The following LRRC37A2 variants were observed in gnomAD, a reference collection of about 807,000 sequenced individuals.
LRRC37A2 encodes the protein leucine rich repeat containing 37 member A2.
A neutral mutation model predicts 68.8 loss-of-function variants in LRRC37A2; 9 were observed. The ratio of observed to expected loss-of-function variants is 0.13; its 90% CI spans 0.08 to 0.23. The LOEUF is 0.23. LRRC37A2 is among the 10% of genes least tolerant of loss of function. The pLI, the probability that LRRC37A2 is intolerant of heterozygous loss-of-function variation, is 1.00. For synonymous variants in LRRC37A2, 63 were observed against 367.6 expected (o/e 0.17, Z 9.48); for missense variants, 168 against 950.4 (o/e 0.18, Z 10.82).
chr17:46,794,636 C>T, the LRRC37A2 span, among the ~76,000 whole-genome samples: 5 of 152,076 alleles, frequency 3.3e-5, no homozygotes, highest in Admixed American at 1.3e-4. Context: ...GTCAAACTTT[C>T]GACAGTCCTA....
chr17:47,018,441 G>A, the LRRC37A2 span: 54 of 1,562,540 alleles, frequency 3.5e-5, no homozygotes, highest in African/African-American at 4.1e-4. Flanking sequence ...GCCTCCAGAC[G>A]TGCAGCTCAC....
At chr17:46,777,423 G>A in the LRRC37A2 span, among the ~76,000 whole-genome samples, 1 of 152,212 alleles carries the variant, frequency 6.6e-6, no homozygotes, top group Non-Finnish European at 1.5e-5. Context: ...GTCCCAGGTG[G>A]GTCTTCGCAG....
At chr17:46,875,230 A>G in the LRRC37A2 span, 2 of 1,614,218 alleles carry the variant, frequency 1.2e-6, no homozygotes, top group Non-Finnish European at 1.7e-6. Flanking sequence ...GAGAGCCGGC[A>G]GGCCTGGCAG....
At chr17:46,883,277 CGGCCTTTTT>C in the LRRC37A2 span, among the ~76,000 whole-genome samples, 1 of 147,210 alleles carries the variant, frequency 6.8e-6, no homozygotes, top group African/African-American at 2.5e-5. Flanking sequence ...CTACTGCGCC[CGGCCTTTTT>C]TTTTTTTTCC....
At chr17:46,755,787 G>GT in the LRRC37A2 span, 3 of 1,595,750 alleles carry the variant, frequency 1.9e-6, no homozygotes, top group African/African-American at 1.4e-5. Flanking sequence ...TTGTGTTTTG[G>GT]TATTTCTTTT....
chr17:46,500,925 A>G, the LRRC37A2 span, among the ~76,000 whole-genome samples: 1 of 151,146 alleles, frequency 6.6e-6, no homozygotes, highest in Non-Finnish European at 1.5e-5. Flanking sequence ...CATGCCTGTA[A>G]TCCCAGCACT....
At chr17:46,736,302 A>G in the LRRC37A2 span, among the ~76,000 whole-genome samples, 1 of 152,206 alleles carries the variant, frequency 6.6e-6, no homozygotes, top group African/African-American at 2.4e-5. Flanking sequence ...GGACTGGCCC[A>G]CCTGCTTCCT....
the LRRC37A2 span, chr17:46,751,431 G>A: frequency 7.5e-6 from 8 of 1,061,332 alleles, no homozygotes; most frequent in Admixed American, 5.8e-5. Context: ...TTCTTTTAAA[G>A]GTAAATAGAA....
chr17:46,721,383 C>G, the LRRC37A2 span, among the ~76,000 whole-genome samples: 1 of 152,176 alleles, frequency 6.6e-6, no homozygotes, highest in East Asian at 1.9e-4. Context: ...CCACTCTTTC[C>G]CACATTGTTT....
chr17:46,997,602 G>C, the LRRC37A2 span, among the ~76,000 whole-genome samples: 1 of 152,276 alleles, frequency 6.6e-6, no homozygotes, highest in South Asian at 2.1e-4. Context: ...GTGTATAAAT[G>C]ACATCATGGA....
chr17:47,034,077 G>A, the LRRC37A2 span, among the ~76,000 whole-genome samples: 941 of 152,362 alleles, frequency 6.2e-3, 17 homozygotes, highest in East Asian at 0.052. Flanking sequence ...GCTCATGCCT[G>A]TAATCCCAGC....
chr17:46,755,779 G>C, the LRRC37A2 span: 2 of 1,333,670 alleles, frequency 1.5e-6, no homozygotes, highest in Non-Finnish European at 2.0e-6. Flanking sequence ...CTGTTTTTTT[G>C]TGTTTTGGTA....
the LRRC37A2 span, among the ~76,000 whole-genome samples, chr17:46,569,067 C>T: frequency 2.6e-4 from 37 of 143,494 alleles, no homozygotes; most frequent in African/African-American, 4.6e-4. Context: ...CTCAGCCTCC[C>T]GAGTAGCTGG....
the LRRC37A2 span, among the ~76,000 whole-genome samples, chr17:46,902,461 C>CGCGTGTGT: frequency 1.4e-5 from 2 of 148,016 alleles, no homozygotes; most frequent in African/African-American, 4.9e-5. Flanking sequence ...GGGAACAGTG[C>CGCGTGTGT]GTGTGTGTGT....
the LRRC37A2 span, chr17:46,833,264 C>T: frequency 1.3e-5 from 6 of 459,366 alleles, no homozygotes; most frequent in East Asian, 3.2e-4. Flanking sequence ...CAGCTGAGCT[C>T]CCTGGGTGAT....
At chr17:46,534,125 C>T (rs1387513704) in intron 6 of LRRC37A2, among the ~76,000 whole-genome samples, 1 of 145,202 alleles carries the variant, frequency 6.9e-6, no homozygotes, top group African/African-American at 2.8e-5. Flanking sequence ...GCAATGCTGT[C>T]ACCTCAGCCT....
chr17:46,940,605 A>C, the LRRC37A2 span: 7 of 1,614,018 alleles, frequency 4.3e-6, no homozygotes, highest in African/African-American at 4.0e-5. Context: ...GTCTGCAGGG[A>C]GCAGCTGAGC....
chr17:46,501,752 G>T, the LRRC37A2 span, among the ~76,000 whole-genome samples: 5 of 151,222 alleles, frequency 3.3e-5, no homozygotes, highest in Non-Finnish European at 7.3e-5. Flanking sequence ...TTCAAGGACC[G>T]ATTTCAATTC....
the LRRC37A2 span, among the ~76,000 whole-genome samples, chr17:46,889,814 G>A: frequency 2.0e-5 from 3 of 152,130 alleles, no homozygotes; most frequent in African/African-American, 7.2e-5. Flanking sequence ...CCAGACCCCA[G>A]CTTTGCACTC....
Sources: allele counts gnomAD v4.1 joint callset (sites outside exome capture counted in the v4.1 genomes callset), GRCh38; gene constraint gnomAD v4.1.1; transcripts MANE v1.5; gene names NCBI Gene and HGNC (gene_info 2026-07-23, HGNC 2026-07-21).